CDH12: variants seen among roughly 807,000 people sequenced by gnomAD.
The protein encoded by CDH12 is cadherin-12.
CDH12 carries 41 observed loss-of-function variants against 74.1 expected under a neutral mutation model. The observed-to-expected ratio is 0.55, with a 90% CI of 0.43 to 0.72. The LOEUF (loss-of-function observed/expected upper bound fraction) is 0.72, where lower values mean the gene tolerates loss of function less well. CDH12 is among the 30% of genes least tolerant of loss of function. The pLI, the probability that CDH12 is intolerant of heterozygous loss-of-function variation, is 0.00. For missense variants in CDH12, 945 were observed against 977.2 expected, an observed-to-expected ratio of 0.97 and a Z score of 0.44; for synonymous variants, 399 against 355.0, an observed-to-expected ratio of 1.12 and a Z score of -1.39.
chr5:22,660,664 T>G (rs1040334039), intron 1 of CDH12, among the ~76,000 whole-genome samples: 1 of 152,164 alleles, frequency 6.6e-6, no homozygotes, highest in East Asian at 1.9e-4. Context: ...GTAATCTCCC[T>G]GCCTCCACCT....
At chr5:21,855,394 G>T (rs1464490144) in intron 6 of CDH12, among the ~76,000 whole-genome samples, 1 of 151,564 alleles carries the variant, frequency 6.6e-6, no homozygotes, top group African/African-American at 2.4e-5. Context: ...CAAATGATCT[G>T]CAGCTTTCCT....
intron 3 of CDH12, among the ~76,000 whole-genome samples, chr5:22,391,448 C>CT (rs1022119110): frequency 6.6e-6 from 1 of 152,088 alleles, no homozygotes; most frequent in African/African-American, 2.4e-5. Context: ...GGTTTACTAG[C>CT]TTTTTTTAAT....
chr5:22,124,188 G>T (rs1376614437), intron 4 of CDH12, among the ~76,000 whole-genome samples: 2 of 151,498 alleles, frequency 1.3e-5, no homozygotes, highest in Non-Finnish European at 2.9e-5. Flanking sequence ...ACAGAGTCTC[G>T]CTTCGTCGCC....
chr5:21,819,457 A>C (rs1480356103), intron 8 of CDH12, among the ~76,000 whole-genome samples: 1 of 151,978 alleles, frequency 6.6e-6, no homozygotes, highest in Non-Finnish European at 1.5e-5. Context: ...TTTATCAGAA[A>C]CTGTGTTTGT....
At chr5:22,064,784 C>A (rs560925149) in intron 5 of CDH12, among the ~76,000 whole-genome samples, 16 of 152,236 alleles carry the variant, frequency 1.1e-4, no homozygotes, top group African/African-American at 3.4e-4. Flanking sequence ...TCAAGTACCA[C>A]GTAAGTCACC....
intron 1 of CDH12, among the ~76,000 whole-genome samples, chr5:22,637,084 A>G (rs1400950885): frequency 1.3e-5 from 2 of 152,232 alleles, no homozygotes; most frequent in Non-Finnish European, 2.9e-5. Flanking sequence ...ATAGTTTTTA[A>G]TGCTACTCTG....
chr5:22,330,093 T>C (rs2150444694), intron 3 of CDH12, among the ~76,000 whole-genome samples: 1 of 152,254 alleles, frequency 6.6e-6, no homozygotes, highest in African/African-American at 2.4e-5. Context: ...AGAGACTGAC[T>C]CCTTCTTTCT....
At chr5:22,462,558 A>G (rs1745565392) in intron 2 of CDH12, among the ~76,000 whole-genome samples, 4 of 152,302 alleles carry the variant, frequency 2.6e-5, no homozygotes, top group Admixed American at 1.3e-4. Flanking sequence ...CCCTGGGTGG[A>G]AAAATAGTCA....
intron 6 of CDH12, chr5:21,884,323 A>T (rs1013557885): frequency 8.6e-7 from 1 of 1,167,312 alleles, no homozygotes; most frequent in African/African-American, 1.5e-5. Context: ...CTCCTAGACT[A>T]GTGCTTTACC....
In CDH12 at chr5:22,508,383, A is replaced by C. The variant is rs1311722588; in HGVS notation, c.-522-3019T>G. ...CATTAGGAGACAAGGAAGAAAATCA[A>C]AATATTTTACCCCAAAACATGTTTC... On this transcript the variant is annotated intron_variant, in intron 1 of 14. Coordinates refer to ENST00000382254, the MANE Select transcript of CDH12 (RefSeq NM_004061.5). Among the ~76,000 whole-genome samples, 4 of 152,180 alleles carry C rather than the reference A, an allele frequency of 2.6e-5. No homozygotes were observed. The East Asian group carries it at 7.7e-4, about 29-fold the overall frequency.
intron 3 of CDH12, among the ~76,000 whole-genome samples, chr5:22,312,707 TC>T (rs1738446202): frequency 1.3e-5 from 2 of 152,300 alleles, no homozygotes; most frequent in East Asian, 1.9e-4. Context: ...CACTAATCCA[TC>T]TTTTTTTCAT....
chr5:21,797,755 A>G (rs1244693787), intron 10 of CDH12, among the ~76,000 whole-genome samples: 1 of 152,126 alleles, frequency 6.6e-6, no homozygotes, highest in African/African-American at 2.4e-5. Context: ...CAGGGTCTTG[A>G]CTGTAACAAT....
At position 22,599,469 on chromosome 5, in the gene CDH12, A is replaced by T. The variant is rs1308288268; in HGVS notation, c.-522-94105T>A. ...CAGTGCATTCTTATAGTGCACGCTGATAAATCATAGTAAAAATATATCCTC... is the reference window on the plus strand; with the variant it reads ...CAGTGCATTCTTATAGTGCACGCTGTTAAATCATAGTAAAAATATATCCTC... On this transcript the variant is annotated intron_variant, in intron 1 of 14. Transcript: ENST00000382254. 2.6e-5 allele frequency among the ~76,000 whole-genome samples: 4 copies of T among 152,200 alleles called. No homozygotes were observed. The South Asian group carries it at 8.3e-4, about 31-fold the overall frequency.
At chr5:21,794,683 T>C (rs1161951335) in intron 10 of CDH12, among the ~76,000 whole-genome samples, 1 of 151,812 alleles carries the variant, frequency 6.6e-6, no homozygotes, top group Non-Finnish European at 1.5e-5. Flanking sequence ...TACAGTCAAA[T>C]GATCTAAGAA....
chr5:22,758,821 G>T (rs538504043), intron 1 of CDH12, among the ~76,000 whole-genome samples: 12 of 152,196 alleles, frequency 7.9e-5, no homozygotes, highest in Non-Finnish European at 1.6e-4. Context: ...GAGAAAAGCG[G>T]CATGGCTCAA....
chr5:22,268,267 A>G (rs562609900), intron 3 of CDH12, among the ~76,000 whole-genome samples: 1 of 152,246 alleles, frequency 6.6e-6, no homozygotes, highest in South Asian at 2.1e-4. Flanking sequence ...ATGAATATAT[A>G]TGTGTGTATA....
intron 2 of CDH12, among the ~76,000 whole-genome samples, chr5:22,435,359 G>C (rs906999713): frequency 6.6e-6 from 1 of 151,098 alleles, no homozygotes; most frequent in Admixed American, 6.6e-5. Flanking sequence ...GAGACCTTGT[G>C]ATCATGTAAG....
At chr5:22,662,628 A>G (rs1740409214) in intron 1 of CDH12, among the ~76,000 whole-genome samples, 1 of 152,246 alleles carries the variant, frequency 6.6e-6, no homozygotes, top group African/African-American at 2.4e-5. Context: ...AACGGCATAA[A>G]GCCAGGATAT....
intron 1 of CDH12, among the ~76,000 whole-genome samples, chr5:22,714,390 C>T (rs534986080): frequency 3.3e-5 from 5 of 152,116 alleles, no homozygotes; most frequent in African/African-American, 1.2e-4. Context: ...CTCCATGGAG[C>T]TAGTATAACT....
Sources: gnomAD v4.1 joint callset for allele counts (sites outside exome capture counted in the v4.1 genomes callset) on GRCh38, gnomAD v4.1.1 for gene constraint, MANE v1.5 for transcripts, NCBI Gene and HGNC (gene_info 2026-07-23, HGNC 2026-07-21) for gene names.